The following DPEP2 variants were observed in gnomAD, a reference collection of about 807,000 sequenced individuals.
The protein encoded by DPEP2 is dipeptidase 2.
In DPEP2, 45 loss-of-function variants were observed where a neutral mutation model predicts 51.8. That is an observed-to-expected ratio of 0.87 (90% CI 0.68 to 1.11). The LOEUF is 1.11. Ranked by LOEUF, DPEP2 falls within the 50% of genes most tolerant of loss-of-function variation. DPEP2 has a pLI of 0.00. For missense variants in DPEP2, 604 were observed against 631.9 expected, an observed-to-expected ratio of 0.96 and a Z score of 0.47; for synonymous variants, 255 against 262.7, an observed-to-expected ratio of 0.97 and a Z score of 0.28.
At position 67,990,050 on chromosome 16, in the gene DPEP2, C is replaced by T. The variant is rs1421048804; in HGVS notation, c.991G>A (p.Ala331Thr). 2 of 1,614,092 alleles carry T rather than the reference C, an allele frequency of 1.2e-6. No individual in the cohort carries two copies. The highest frequency in any genetic ancestry group is 1.1e-5 in the South Asian group (1 of 91,090). ...AGAGCCCGGGAGAGGGAGTTACCTG[C>T]CACAGTGGACACATTGGCTGATGGG... is the stretch of plus-strand genomic sequence containing the variant. ...CNPSANVSTV[A>T]DHFDHIKAVI... The change falls in exon 8 of 11, where the codon GCA becomes ACA. Residue 331 changes from alanine to threonine, a missense_variant. Transcript: ENST00000393847.
In DPEP2 at chr16:67,992,147, A is replaced by G. The variant is rs368802189; in HGVS notation, c.437T>C (p.Leu146Pro). ...GTCAATCTGCTCCAGGGTGAGGCGCAGGGCATCCCGGTCCTGGGTCTGGCA... is the reference window on the plus strand; with the variant it reads ...GTCAATCTGCTCCAGGGTGAGGCGCGGGGCATCCCGGTCCTGGGTCTGGCA... ...VPCQTQDRDA[L>P]RLTLEQIDLI... Residue 146 changes from leucine to proline, a missense_variant, in exon 4 of 11, where the codon CTG (leucine) becomes CCG (proline). Transcript: ENST00000393847. 6 of 1,614,060 alleles carry G rather than the reference A, an allele frequency of 3.7e-6. No individual in the cohort carries two copies. The highest frequency in any genetic ancestry group is 1.3e-5 in the African/African-American group (1 of 74,930).
intron 1 of DPEP2, among the ~76,000 whole-genome samples, chr16:67,998,542 G>A (rs1453691061): frequency 6.6e-6 from 1 of 152,166 alleles, no homozygotes; most frequent in Non-Finnish European, 1.5e-5. Context: ...CCCGGTGAGC[G>A]CCGCCCCCTG....
At chr16:67,990,283 T>C (rs1043178092) in intron 7 of DPEP2, 152 bp from the exon 8 acceptor site, 15 of 684,712 alleles carry the variant, frequency 2.2e-5, no homozygotes, top group Non-Finnish European at 3.7e-5. Flanking sequence ...AAGGGAGGAG[T>C]CTAGGCCCTG....
rs747442513 is a variant in DPEP2 at position 67,987,573 on chromosome 16, G to C, written c.1394C>G (p.Ser465Cys). ...AAGGACTGGGGCCATGTGGGGGGAG[G>C]ACTCTGAGACTGACCACTTGGCTGG... The part of the protein sequence containing the change: ...KLPAKWSVSE[S>C]SPHMAPVLAV... Residue 465 changes from serine (S) to cysteine (C), a missense_variant, in exon 11 of 11, where the codon TCC (serine) becomes TGC (cysteine). Transcript: ENST00000393847. 4.3e-6 allele frequency: 7 copies of C among 1,614,040 alleles called. No homozygotes were observed.
upstream of DPEP2, chr16:68,000,492 C>T (rs1950897631): frequency 2.0e-6 from 2 of 985,308 alleles, no homozygotes; most frequent in Non-Finnish European, 2.4e-6. Context: ...GCATCCAAGC[C>T]CCTCTGGTCC....
chr16:67,987,977 C>CAGTGT lies in DPEP2; in HGVS notation c.1080_1081insACACT (p.Gly361ThrfsTer13). 6.2e-7 allele frequency: 1 copy of CAGTGT among 1,614,154 alleles called. No homozygotes were observed. On this transcript the variant is annotated frameshift_variant, in exon 10 of 11. Coordinates refer to ENST00000393847, the MANE Select transcript of DPEP2 (RefSeq NM_022355.4). LOFTEE classifies it high-confidence loss of function. ...GGGTATGTGGACACGTCTTCCAGCC[C>CAGTGT]CTGAGGGAATCTGTGTGGCCACCAG...
At chr16:67,988,605 A>C (rs1298056144) in intron 9 of DPEP2, among the ~76,000 whole-genome samples, 1 of 149,972 alleles carries the variant, frequency 6.7e-6, no homozygotes, top group Admixed American at 6.7e-5. Flanking sequence ...TCTGTCTCAA[A>C]AAAAAAAAAA....
chr16:67,998,884 T>A (rs2032862943), intron 1 of DPEP2, among the ~76,000 whole-genome samples: 1 of 152,064 alleles, frequency 6.6e-6, no homozygotes, highest in Non-Finnish European at 1.5e-5. Context: ...CACTCTGTAT[T>A]TAGCTAATCT....
rs762845434 is a variant in DPEP2, at chr16:67,990,720, TC to T, written c.909+100del. ...CTCAAGTGATCAGCCCACCTCAGCC[TC>T]CCAAAGTGCTGGGATTACAGGTGTG... On this transcript the variant is annotated intron_variant, in intron 7 of 10. Coordinates refer to ENST00000393847, the MANE Select transcript of DPEP2 (RefSeq NM_022355.4). 396 of 1,365,684 alleles carry T rather than the reference TC, an allele frequency of 2.9e-4. 3 individuals are homozygous for T. Among genetic ancestry groups the T allele is most frequent in the Admixed American group, 6.1e-4 (29 of 47,278 alleles). The allele number at this position is 1,365,684 out of a possible 1,614,324, so 84.6% of individuals were successfully genotyped here. A position where few individuals can be genotyped will look rare whatever the true frequency, so the allele number is the denominator to read the frequency against.
intron 1 of DPEP2, among the ~76,000 whole-genome samples, chr16:67,998,285 G>C (rs2032816374): frequency 1.3e-5 from 2 of 149,002 alleles, no homozygotes; most frequent in African/African-American, 4.9e-5. Flanking sequence ...GGTGGGCGTG[G>C]GCTTGGCGGG....
chr16:67,998,579 A>G (rs1428192711), intron 1 of DPEP2, among the ~76,000 whole-genome samples: 2 of 152,300 alleles, frequency 1.3e-5, no homozygotes, highest in East Asian at 3.9e-4. Flanking sequence ...CCCATCGACC[A>G]CCACAGGGCT....
At position 67,991,369 on chromosome 16, in the gene DPEP2, T is replaced by C. The variant is rs554561345; in HGVS notation, c.663-185A>G. ...CTGGGTCCAGTCTTTTTTTTCCTTT[T>C]CTTTTTTTTTTTTTTTTGGCAATAG... On this transcript the variant is annotated intron_variant, in intron 5 of 10. Transcript: ENST00000393847. The surrounding 1 kb of genome is among the most constrained non-coding windows in gnomAD (Gnocchi z 5.1). 1.7e-4 allele frequency among the ~76,000 whole-genome samples: 26 copies of C among 150,116 alleles called. No individual in the cohort carries two copies. Among genetic ancestry groups the C allele is most frequent in the South Asian group, 1.5e-3 (7 of 4,754 alleles).
At chr16:67,989,428 G>A (rs745690614) in intron 8 of DPEP2, 30 bp from the exon 9 acceptor site, 58 of 1,612,598 alleles carry the variant, frequency 3.6e-5, no homozygotes, top group South Asian at 8.8e-5. Context: ...ACAGTCAGCT[G>A]CGTAGGGCTT....
chr16:67,993,949 G>T, intron 1 of DPEP2: 1 of 984,134 alleles, frequency 1.0e-6, no homozygotes, highest in Non-Finnish European at 1.2e-6. Flanking sequence ...CCCCCGCCCC[G>T]ACCGCACATT....
chr16:67,995,059 C>T, intron 1 of DPEP2: 1 of 216,108 alleles, frequency 4.6e-6, no homozygotes, highest in African/African-American at 2.3e-5. Flanking sequence ...CGCCACCACG[C>T]CCGGCTAAAT....
At chr16:67,999,103 A>G (rs2151393168) in intron 1 of DPEP2, among the ~76,000 whole-genome samples, 1 of 152,226 alleles carries the variant, frequency 6.6e-6, no homozygotes, top group East Asian at 1.9e-4. Context: ...TGCTCTTTGC[A>G]GTAAATCTTG....
At chr16:67,996,088 G>C (rs1368926010) in intron 1 of DPEP2, among the ~76,000 whole-genome samples, 2 of 151,982 alleles carry the variant, frequency 1.3e-5, no homozygotes, top group African/African-American at 4.8e-5. Flanking sequence ...ACCCAGGCTG[G>C]ACTGCAGTGG....
Position 67,993,097 on chromosome 16 carries a change from G to C in DPEP2, c.116C>G (p.Pro39Arg). ...GCCCAGCGTGGTGAGGGCTCTGGGG[G>C]GGCCTGGCGTGGTGTAGGCACAGGT... is the stretch of plus-strand genomic sequence containing the variant. ...PVTCAYTTPG[P>R]PRALTTLGAP... The change falls in exon 2 of 11, where the codon CCC becomes CGC. Residue 39 changes from proline to arginine, a missense_variant. Pro to Arg is a moderately radical substitution (Grantham distance 103, BLOSUM62 -2). Coordinates refer to ENST00000393847, the MANE Select transcript of DPEP2 (RefSeq NM_022355.4). 1 of 1,568,248 alleles carries C rather than the reference G, an allele frequency of 6.4e-7. No homozygotes were observed. The highest frequency in any genetic ancestry group is 8.7e-7 in the Non-Finnish European group (1 of 1,155,878).
intron 2 of DPEP2, 152 bp from the exon 3 acceptor site, chr16:67,992,788 C>T: frequency 1.3e-6 from 2 of 1,486,062 alleles, no homozygotes; most frequent in Non-Finnish European, 9.0e-7. Flanking sequence ...AGTGCCCACC[C>T]AAGAGGGGAT....
Sources: allele counts gnomAD v4.1 joint callset (sites outside exome capture counted in the v4.1 genomes callset), GRCh38; gene constraint gnomAD v4.1.1; non-coding constraint Gnocchi (gnomAD v3.1); transcripts MANE v1.5; gene names NCBI Gene and HGNC (gene_info 2026-07-23, HGNC 2026-07-21).